Variants in TENM3 observed in about 807,000 individuals in gnomAD.
TENM3 encodes the protein teneurin transmembrane protein 3, also known as teneurin-3.
In TENM3, 63 loss-of-function variants were observed where a neutral mutation model predicts 255.1. That is an observed-to-expected ratio of 0.25 (90% CI 0.20 to 0.30). TENM3 has a LOEUF of 0.30. Ranked by LOEUF, TENM3 falls within the 10% of genes least tolerant of loss-of-function variation. TENM3 has a pLI of 1.00. For missense variants in TENM3, 2,929 were observed against 3,461.1 expected (o/e 0.85, Z 3.86); for synonymous variants, 1,306 against 1,322.3 (o/e 0.99, Z 0.27).
the TENM3 span, among the ~76,000 whole-genome samples, chr4:181,456,356 A>T: frequency 6.6e-6 from 1 of 151,918 alleles, no homozygotes; most frequent in South Asian, 2.1e-4. Context: ...ATTCCTTGCA[A>T]GTTCTTAACC....
chr4:182,600,736 G>C (rs990962417), intron 3 of TENM3, among the ~76,000 whole-genome samples, 188 bp from the exon 4 acceptor site: 4 of 151,866 alleles, frequency 2.6e-5, no homozygotes, highest in African/African-American at 7.3e-5. Flanking sequence ...GGGTAAACTT[G>C]CTCTTAGAGA....
intron 4 of TENM3, among the ~76,000 whole-genome samples, chr4:182,620,641 C>G (rs1750031956): frequency 6.6e-6 from 1 of 152,190 alleles, no homozygotes; most frequent in South Asian, 2.1e-4. Flanking sequence ...CAAAATACAT[C>G]AGTTTAAACA....
chr4:182,774,274 T>TA (rs370138836), intron 23 of TENM3, among the ~76,000 whole-genome samples: 15 of 152,202 alleles, frequency 9.9e-5, no homozygotes, highest in Admixed American at 5.9e-4. Context: ...TCATTTTTTT[T>TA]ACCTGTTCCA....
chr4:182,516,376 A>G (rs1010367010), intron 3 of TENM3, among the ~76,000 whole-genome samples: 3 of 152,220 alleles, frequency 2.0e-5, no homozygotes, highest in African/African-American at 4.8e-5. Context: ...TGTCATGGTT[A>G]TATCTACTGA....
At chr4:182,418,461 G>T (rs1281492869) in intron 3 of TENM3, among the ~76,000 whole-genome samples, 1 of 152,172 alleles carries the variant, frequency 6.6e-6, no homozygotes, top group Non-Finnish European at 1.5e-5. Context: ...GATTGTTGGG[G>T]GGTGGGGTAG....
At chr4:181,570,655 A>AAAGCAAGC in the TENM3 span, among the ~76,000 whole-genome samples, 158 of 150,354 alleles carry the variant, frequency 1.1e-3, no homozygotes, top group African/African-American at 1.7e-3. Flanking sequence ...AGAAAGAAGG[A>AAAGCAAGC]AAGCAAGCAA....
chr4:181,915,112 G>T, the TENM3 span, among the ~76,000 whole-genome samples: 2 of 152,138 alleles, frequency 1.3e-5, 1 homozygote, highest in Admixed American at 1.3e-4. Context: ...AGGAGGACAA[G>T]GCATTTTCAA....
rs796625646 is a variant in TENM3 at position 182,781,310 on chromosome 4, A to C, written c.5304+6157A>C. Among the ~76,000 whole-genome samples, 755 of 148,046 alleles carry C rather than the reference A, an allele frequency of 5.1e-3. 5 individuals are homozygous for C. Among genetic ancestry groups the C allele is most frequent in the Middle Eastern group, 0.031 (9 of 292 alleles). On this transcript the variant is annotated intron_variant, in intron 24 of 27. Coordinates refer to ENST00000511685, the MANE Select transcript of TENM3 (RefSeq NM_001080477.4). Reference sequence around the variant, plus strand: ...AAAGGCTTTTTCTGCATCTATTGAGATAATCATGTGGTTTTTGTCTTTGGC... The same window carrying C: ...AAAGGCTTTTTCTGCATCTATTGAGCTAATCATGTGGTTTTTGTCTTTGGC...
intron 4 of TENM3, among the ~76,000 whole-genome samples, chr4:182,621,829 C>G (rs1235523901): frequency 9.0e-6 from 1 of 110,560 alleles, no homozygotes; most frequent in South Asian, 2.6e-4. Context: ...TATATATTAG[C>G]CAGATGTGGT....
At chr4:182,747,562 TAGTA>T (rs1408021311) in intron 19 of TENM3, among the ~76,000 whole-genome samples, 3 of 152,206 alleles carry the variant, frequency 2.0e-5, no homozygotes, top group Non-Finnish European at 4.4e-5. Context: ...CTTTAATATG[TAGTA>T]AGTTTTACCT....
Position 182,792,250 on chromosome 4 carries a change from TAACAG to T in TENM3, c.5602-23_5602-19del. On this transcript the variant is annotated intron_variant, in intron 25 of 27. Coordinates refer to ENST00000511685, the MANE Select transcript of TENM3 (RefSeq NM_001080477.4). The surrounding 1 kb of genome is among the most constrained non-coding windows in gnomAD (Gnocchi z 6.3). Reference sequence around the variant, plus strand: ...GCATCTCCCGTTCACAAACACTGAGTAACAGTATGTTCTCTCTTTACAGTCCATGG... The same window carrying T: ...GCATCTCCCGTTCACAAACACTGAGTTATGTTCTCTCTTTACAGTCCATGG... The T allele has an allele frequency of 1.3e-6, 2 of 1,594,198 alleles. No individual in the cohort carries two copies. Among genetic ancestry groups the T allele is most frequent in the African/African-American group, 2.7e-5 (2 of 74,544 alleles).
At chr4:181,459,250 T>C in the TENM3 span, among the ~76,000 whole-genome samples, 3 of 151,862 alleles carry the variant, frequency 2.0e-5, no homozygotes. Context: ...AATATATTAA[T>C]ATTTATTATG....
rs1028743857 is a variant in TENM3, at chr4:182,520,419, A to G, written c.512-80505A>G. On this transcript the variant is annotated intron_variant, in intron 3 of 27. Transcript: ENST00000511685. ...TGTCTAGACAAGCCCATAGATGTGT[A>G]TGTATTTAGGGTGTTTGGTCTCAAC... Among the ~76,000 whole-genome samples the G allele has an allele frequency of 2.6e-5, 4 of 152,152 alleles. No individual in the cohort carries two copies. In the East Asian group the frequency reaches 7.7e-4, roughly 29 times the overall value.
rs193287203 is a variant in TENM3 at position 182,503,604 on chromosome 4, C to G, written c.512-97320C>G. On this transcript the variant is annotated intron_variant, in intron 3 of 27. Transcript: ENST00000511685. ...CCTGGGATTGGCAGGCTCAGGTCCA[C>G]ACATCTCATTTCAAGATCCAGGTAA... 2.1e-3 allele frequency among the ~76,000 whole-genome samples: 315 copies of G among 152,248 alleles called. 1 individual carries two copies. Among genetic ancestry groups the G allele is most frequent in the African/African-American group, 7.1e-3 (297 of 41,540 alleles).
chr4:181,466,243 G>A, the TENM3 span, among the ~76,000 whole-genome samples: 31,266 of 151,270 alleles, frequency 0.21, 3,418 homozygotes, highest in Middle Eastern at 0.25. Context: ...TCAGCCTCCC[G>A]AGTAGCTGGG....
chr4:181,529,903 A>C, the TENM3 span, among the ~76,000 whole-genome samples: 1 of 152,168 alleles, frequency 6.6e-6, no homozygotes, highest in African/African-American at 2.4e-5. Context: ...TAAAATACAA[A>C]CTTCCTATGT....
At chr4:181,663,715 G>C in the TENM3 span, among the ~76,000 whole-genome samples, 2 of 152,156 alleles carry the variant, frequency 1.3e-5, no homozygotes, top group Admixed American at 6.5e-5. Context: ...GTGTAGGCAA[G>C]GAATGAGGGG....
intron 1 of TENM3, among the ~76,000 whole-genome samples, chr4:182,300,888 T>A (rs575125314): frequency 1.3e-5 from 2 of 152,346 alleles, no homozygotes; most frequent in South Asian, 4.1e-4. Context: ...ACAAAATAAT[T>A]GACTTCATTT....
At chr4:182,582,808 A>T (rs1029817074) in intron 3 of TENM3, among the ~76,000 whole-genome samples, 1 of 152,218 alleles carries the variant, frequency 6.6e-6, no homozygotes, top group African/African-American at 2.4e-5. Context: ...TCAGTGAACC[A>T]CATACAACAA....
Sources: gnomAD v4.1 joint callset for allele counts (sites outside exome capture counted in the v4.1 genomes callset) on GRCh38, gnomAD v4.1.1 for gene constraint, Gnocchi (gnomAD v3.1) non-coding constraint, MANE v1.5 for transcripts, NCBI Gene and HGNC (gene_info 2026-07-23, HGNC 2026-07-21) for gene names.